The following SBF2 variants were observed in gnomAD, a reference collection of about 807,000 sequenced individuals.
SBF2 encodes SET binding factor 2.
In SBF2, 112 loss-of-function variants were observed where a neutral mutation model predicts 225.2. That is an observed-to-expected ratio of 0.50 (90% confidence interval 0.43 to 0.58). SBF2 has a LOEUF of 0.58. Among genes scored for constraint, SBF2 ranks in the 20% least tolerant of loss-of-function variants. The pLI, the probability that SBF2 is intolerant of heterozygous loss-of-function variation, is 0.00. For missense variants in SBF2, 1,996 were observed against 2,206.2 expected, an observed-to-expected ratio of 0.90 and a Z score of 1.91; for synonymous variants, 763 against 773.3, an observed-to-expected ratio of 0.99 and a Z score of 0.22.
intron 2 of SBF2, among the ~76,000 whole-genome samples, chr11:10,146,462 A>C (rs1350227620): frequency 6.6e-6 from 1 of 151,990 alleles, no homozygotes; most frequent in Non-Finnish European, 1.5e-5. Context: ...ACAAAAAACA[A>C]GCACTGGGGA....
In SBF2 at chr11:9,791,641, T is replaced by C. The variant is rs117211610; in HGVS notation, c.4571-958A>G. ...CCAATTAAATCAGAATCTCTGGGGA[T>C]GGCCCGAGATATTAGTTATTTTAAA... is the stretch of plus-strand genomic sequence containing the variant. On this transcript the variant is annotated intron_variant, in intron 33 of 39. Coordinates refer to ENST00000256190, the MANE Select transcript of SBF2 (RefSeq NM_030962.4). Among the ~76,000 whole-genome samples, 69 of 152,350 alleles carry C rather than the reference T, an allele frequency of 4.5e-4. No individual in the cohort carries two copies. In the East Asian group the frequency reaches 0.012, roughly 26 times the overall value.
chr11:9,945,780 C>A (rs61876972), intron 16 of SBF2, among the ~76,000 whole-genome samples: 1 of 151,996 alleles, frequency 6.6e-6, no homozygotes, highest in African/African-American at 2.4e-5. Context: ...AGGACATGAA[C>A]AGACACTTCT....
intron 30 of SBF2, among the ~76,000 whole-genome samples, chr11:9,809,737 G>A (rs1157044749): frequency 6.6e-6 from 1 of 151,860 alleles, no homozygotes; most frequent in Admixed American, 6.6e-5. Flanking sequence ...GTAGAGACGA[G>A]GTTTCACCAT....
intron 1 of SBF2, among the ~76,000 whole-genome samples, chr11:10,245,156 A>T (rs1230318232): frequency 6.8e-6 from 1 of 147,702 alleles, no homozygotes; most frequent in Non-Finnish European, 1.5e-5. Flanking sequence ...AAAAAAAATT[A>T]AAATGGGCAA....
Position 10,250,082 on chromosome 11 carries a change from A to G in SBF2, c.55+43933T>C, listed in dbSNP as rs1445933538. 2.0e-5 allele frequency among the ~76,000 whole-genome samples: 3 copies of G among 152,134 alleles called. No individual in the cohort carries two copies. The East Asian group carries it at 5.8e-4, about 29-fold the overall frequency. On this transcript the variant is annotated intron_variant, in intron 1 of 39. Transcript: ENST00000256190. ...TACGTCTGAGTATATGCTACCAATC[A>G]TAATTATGGTTAAGTTTTATACACC...
intron 2 of SBF2, among the ~76,000 whole-genome samples, chr11:10,108,337 A>G (rs1952648931): frequency 6.6e-6 from 1 of 152,136 alleles, no homozygotes; most frequent in Non-Finnish European, 1.5e-5. Context: ...TCTTCTACAT[A>G]GACCCTAAAC....
intron 16 of SBF2, among the ~76,000 whole-genome samples, chr11:9,910,285 AT>A (rs1186986163): frequency 9.9e-5 from 15 of 152,202 alleles, no homozygotes; most frequent in Non-Finnish European, 1.3e-4. Context: ...AGTGTAACAC[AT>A]TACTCAGACA....
At chr11:10,293,930 TCCCCGACGCCCGG>T (rs1490417507) in intron 1 of SBF2, 72 bp downstream of exon 1, 27 of 1,037,284 alleles carry the variant, frequency 2.6e-5, no homozygotes, top group Non-Finnish European at 3.3e-5. Flanking sequence ...CCGACGCCCG[TCCCCGACGCCCGG>T]CCCCGCGGAG....
chr11:10,118,599 T>C (rs1395305839), intron 2 of SBF2, among the ~76,000 whole-genome samples: 2 of 152,114 alleles, frequency 1.3e-5, no homozygotes, highest in Non-Finnish European at 2.9e-5. Context: ...GGTTGTACCA[T>C]ATATCCTCTT....
intron 2 of SBF2, among the ~76,000 whole-genome samples, chr11:10,179,791 T>A (rs1481475785): frequency 6.6e-6 from 1 of 152,202 alleles, no homozygotes; most frequent in Non-Finnish European, 1.5e-5. Context: ...CCTTCCTGTC[T>A]TCCTTTTAGT....
intron 1 of SBF2, among the ~76,000 whole-genome samples, chr11:10,241,310 T>C (rs1024166765): frequency 6.6e-6 from 1 of 152,058 alleles, no homozygotes; most frequent in East Asian, 1.9e-4. Context: ...GCTGAGATCA[T>C]ACCACTGCAC....
At chr11:10,145,715 G>C (rs903859665) in intron 2 of SBF2, among the ~76,000 whole-genome samples, 1 of 152,098 alleles carries the variant, frequency 6.6e-6, no homozygotes, top group Non-Finnish European at 1.5e-5. Context: ...CCCCATTACA[G>C]CACCTGGTAT....
intron 17 of SBF2, among the ~76,000 whole-genome samples, chr11:9,877,400 AT>A (rs1289433035): frequency 6.6e-6 from 1 of 152,168 alleles, no homozygotes; most frequent in African/African-American, 2.4e-5. Flanking sequence ...AACCTAAATA[AT>A]TTTTTAAAAT....
At chr11:10,225,581 T>C (rs1298660962) in intron 1 of SBF2, among the ~76,000 whole-genome samples, 1 of 152,142 alleles carries the variant, frequency 6.6e-6, no homozygotes, top group East Asian at 1.9e-4. Flanking sequence ...TCTTGTATTA[T>C]CTTTACAGAA....
rs1851858148 is a variant in SBF2 at position 9,778,682 on chromosome 11, T to TTTTATTC, written c.*1729_*1735dup. On this transcript the variant is annotated 3_prime_UTR_variant, in exon 40 of 40. Coordinates refer to ENST00000256190, the MANE Select transcript of SBF2 (RefSeq NM_030962.4). ...AAGGAACAAAGTGGGTCATGCTTTG[T>TTTTATTC]TTTATTCTTGAACCTTTAGTCCCAT... 6.6e-6 allele frequency: 1 copy of TTTTATTC among 152,614 alleles called. No homozygotes were observed. The highest frequency in any genetic ancestry group is 6.5e-5 in the Admixed American group (1 of 15,276). The allele number at this position is 152,614 out of a possible 1,614,324, so 9.5% of individuals were successfully genotyped here. A position where few individuals can be genotyped will look rare whatever the true frequency, so the allele number is the denominator to read the frequency against.
At chr11:9,908,363 C>T (rs892444013) in intron 16 of SBF2, among the ~76,000 whole-genome samples, 3 of 151,970 alleles carry the variant, frequency 2.0e-5, no homozygotes, top group African/African-American at 7.2e-5. Flanking sequence ...CGGTGGCTCA[C>T]GCCTGTAATC....
At chr11:9,964,214 A>C (rs895928114) in intron 14 of SBF2, among the ~76,000 whole-genome samples, 1 of 152,192 alleles carries the variant, frequency 6.6e-6, no homozygotes, top group Non-Finnish European at 1.5e-5. Flanking sequence ...GCACTACTGA[A>C]CTGCAGCTGG....
At chr11:9,786,618 C>T (rs934336282) in intron 36 of SBF2, among the ~76,000 whole-genome samples, 25 of 152,188 alleles carry the variant, frequency 1.6e-4, no homozygotes, top group Non-Finnish European at 2.9e-4. Flanking sequence ...CTTCAGAACA[C>T]TCATCTGTCC....
chr11:10,252,182 A>C (rs1423879469), intron 1 of SBF2, among the ~76,000 whole-genome samples: 2 of 152,226 alleles, frequency 1.3e-5, no homozygotes, highest in East Asian at 1.9e-4. Context: ...TCACTGTTCT[A>C]CTATTTCCCA....
Sources: gnomAD v4.1 joint callset for allele counts (sites outside exome capture counted in the v4.1 genomes callset) on GRCh38, gnomAD v4.1.1 for gene constraint, MANE v1.5 for transcripts, NCBI Gene and HGNC (gene_info 2026-07-23, HGNC 2026-07-21) for gene names.